Variants in ARAP2 observed in about 807,000 individuals in gnomAD.
ARAP2 encodes the protein ArfGAP with RhoGAP domain, ankyrin repeat and PH domain 2.
ARAP2 carries 148 observed loss-of-function variants against 194.5 expected under a neutral mutation model. The ratio of observed to expected loss-of-function variants is 0.76; its 90% CI spans 0.67 to 0.87. The LOEUF is 0.87. Ranked by LOEUF, ARAP2 falls within the 40% of genes least tolerant of loss-of-function variation. The pLI is 0.00. For synonymous variants in ARAP2, 695 were observed against 683.5 expected (o/e 1.02, Z -0.26); for missense variants, 2,128 against 1,989.7 (o/e 1.07, Z -1.32).
At position 36,228,630 on chromosome 4, in the gene ARAP2, T is replaced by C. The variant is rs1223205593; in HGVS notation, c.857A>G (p.His286Arg). 11 of 1,613,840 alleles carry C rather than the reference T, an allele frequency of 6.8e-6. No individual in the cohort carries two copies. The highest frequency in any genetic ancestry group is 9.3e-6 in the Non-Finnish European group (11 of 1,179,912). ...SRPSRSFLLR[H>R]RPVPEIPGST... ...CCCTGGAATCTCTGGTACAGGTCGA[T>C]GTCTTAGCAGAAAAGATCGAGATGG... The change falls in exon 2 of 33, where the codon CAT becomes CGT. Residue 286 changes from histidine to arginine, a missense_variant. His to Arg is a conservative substitution (Grantham distance 29). Transcript: ENST00000303965.
At chr4:36,042,025 G>A (rs1323994056) in intron 5 of ARAP2, among the ~76,000 whole-genome samples, 3 of 152,108 alleles carry the variant, frequency 2.0e-5, no homozygotes, top group Non-Finnish European at 2.9e-5. Flanking sequence ...TCTACTTGAG[G>A]GGAGAGGGTG....
chr4:36,210,542 G>C lies in ARAP2; in HGVS notation c.1335C>G (p.Ser445=). Residue 445 remains serine (S), a synonymous_variant, in exon 6 of 33, where the codon TCC becomes TCG. Transcript: ENST00000303965. ...SRTQKALILD[S]VNRHSYPLSS... ...TTAACGGATAACTGTGCCTATTAAC[G>C]GAGTCCAAAATCAAGGCTTTTTGAG... 6.2e-7 allele frequency: 1 copy of C among 1,613,796 alleles called. No individual in the cohort carries two copies. Among genetic ancestry groups the C allele is most frequent in the South Asian group, 1.1e-5 (1 of 91,070 alleles).
At chr4:36,158,224 T>C (rs541950741) in intron 15 of ARAP2, among the ~76,000 whole-genome samples, 30 of 152,242 alleles carry the variant, frequency 2.0e-4, no homozygotes, top group African/African-American at 7.2e-4. Flanking sequence ...GAATATATTG[T>C]TAAATCAGAT....
At chr4:36,054,516 G>T (rs1359477591) in intron 2 of ARAP2, among the ~76,000 whole-genome samples, 4 of 152,072 alleles carry the variant, frequency 2.6e-5, no homozygotes, top group African/African-American at 9.7e-5. Flanking sequence ...GTAACGATAT[G>T]CACCTTCCAA....
At chr4:36,012,988 A>G (rs975731686) in intron 8 of ARAP2, among the ~76,000 whole-genome samples, 1 of 152,228 alleles carries the variant, frequency 6.6e-6, no homozygotes, top group Non-Finnish European at 1.5e-5. Context: ...TTTTGTAAAT[A>G]TAATGCCTTT....
intron 5 of ARAP2, among the ~76,000 whole-genome samples, chr4:36,041,295 A>G (rs1396572737): frequency 6.6e-6 from 1 of 152,206 alleles, no homozygotes; most frequent in Non-Finnish European, 1.5e-5. Flanking sequence ...CAAAAGTCTA[A>G]TACCCAGCAT....
chr4:36,122,920 A>G (rs1723003291), intron 22 of ARAP2, among the ~76,000 whole-genome samples: 2 of 151,830 alleles, frequency 1.3e-5, no homozygotes, highest in South Asian at 2.1e-4. Context: ...AGACATTCCC[A>G]TCTATGAAGA....
chr4:36,083,538 G>A (rs1730107001), intron 28 of ARAP2, 88 bp from the exon 29 acceptor site: 1 of 921,042 alleles, frequency 1.1e-6, no homozygotes, highest in African/African-American at 1.7e-5. Context: ...GTTTAGAATT[G>A]TTTAGTTTCT....
At chr4:36,085,054 G>A (rs1313426582) in intron 28 of ARAP2, among the ~76,000 whole-genome samples, 2 of 151,986 alleles carry the variant, frequency 1.3e-5, no homozygotes, top group Non-Finnish European at 2.9e-5. Context: ...GTATTTGCTA[G>A]CCATCGGCAG....
intron 5 of ARAP2, among the ~76,000 whole-genome samples, chr4:36,029,666 C>T (rs1249824276): frequency 6.6e-6 from 1 of 151,728 alleles, no homozygotes; most frequent in South Asian, 2.1e-4. Flanking sequence ...ATTCTTTTCC[C>T]TCTCTGCATG....
In ARAP2 at chr4:36,187,509, G is replaced by T; in HGVS notation, c.1620C>A (p.Asp540Glu). ...GTGTTGTAACAACTTCAAATTTGTT[G>T]TCTCCTTGAACTCGTACTGTTGATA... is the stretch of plus-strand genomic sequence containing the variant. ...SAISTVRVQG[D>E]NKFEVVTTQR... The change falls in exon 8 of 33, where the codon GAC becomes GAA. Residue 540 changes from aspartate (D) to glutamate (E), a missense_variant. Asp to Glu is a conservative substitution (Grantham distance 45). Coordinates refer to ENST00000303965, the MANE Select transcript of ARAP2 (RefSeq NM_015230.4). 1 of 1,547,600 alleles carries T rather than the reference G, an allele frequency of 6.5e-7. No homozygotes were observed. Among genetic ancestry groups the T allele is most frequent in the Non-Finnish European group, 8.8e-7 (1 of 1,142,404 alleles).
At chr4:36,172,682 G>T (rs1736920883) in intron 9 of ARAP2, among the ~76,000 whole-genome samples, 1 of 152,178 alleles carries the variant, frequency 6.6e-6, no homozygotes, top group Non-Finnish European at 1.5e-5. Context: ...ATAGGGAAGG[G>T]TTTGTTAACC....
At chr4:36,238,379 C>T (rs1378922936) in intron 1 of ARAP2, among the ~76,000 whole-genome samples, 2 of 152,098 alleles carry the variant, frequency 1.3e-5, no homozygotes, top group African/African-American at 2.4e-5. Context: ...GAGGAAAATC[C>T]GACGCTGAAT....
At chr4:36,063,940 C>T (rs577400711), downstream of ARAP2, among the ~76,000 whole-genome samples, 6 of 152,276 alleles carry the variant, frequency 3.9e-5, no homozygotes, top group South Asian at 1.2e-3. Context: ...AATGCATTTA[C>T]AAAATTGCTT....
chr4:36,162,807 G>A (rs1467147331), intron 11 of ARAP2, among the ~76,000 whole-genome samples: 1 of 152,028 alleles, frequency 6.6e-6, no homozygotes, highest in Non-Finnish European at 1.5e-5. Flanking sequence ...GAGGCAGCAG[G>A]AAAATAAAAT....
chr4:36,202,725 C>G (rs916767171), intron 6 of ARAP2, among the ~76,000 whole-genome samples: 1 of 152,118 alleles, frequency 6.6e-6, no homozygotes, highest in African/African-American at 2.4e-5. Context: ...AGTTAAAAAT[C>G]TCAGTTAAAA....
intron 2 of ARAP2, among the ~76,000 whole-genome samples, chr4:36,054,745 A>T (rs1723220179): frequency 6.6e-6 from 1 of 152,224 alleles, no homozygotes; most frequent in South Asian, 2.1e-4. Context: ...CATACTACCA[A>T]ATAAGCTTTT....
intron 7 of ARAP2, among the ~76,000 whole-genome samples, chr4:36,188,922 T>A (rs1288224532): frequency 1.3e-5 from 2 of 152,226 alleles, no homozygotes; most frequent in Admixed American, 1.3e-4. Context: ...ATACACTATA[T>A]CATCATGGCA....
intron 6 of ARAP2, among the ~76,000 whole-genome samples, chr4:36,204,641 T>G (rs1745125437): frequency 6.6e-6 from 1 of 152,112 alleles, no homozygotes; most frequent in African/African-American, 2.4e-5. Context: ...TTTGGTTACT[T>G]CAGAGATTCA....
Sources: allele counts gnomAD v4.1 joint callset (sites outside exome capture counted in the v4.1 genomes callset), GRCh38; gene constraint gnomAD v4.1.1; transcripts MANE v1.5; gene names NCBI Gene and HGNC (gene_info 2026-07-23, HGNC 2026-07-21).